Variants in DRC11 observed in about 807,000 individuals in gnomAD.
The protein encoded by DRC11 is IQ and AAA domain-containing protein 1.
the DRC11 span, among the ~76,000 whole-genome samples, chr2:236,356,262 T>G: frequency 6.6e-6 from 1 of 152,238 alleles, no homozygotes; most frequent in Admixed American, 6.5e-5. Flanking sequence ...CGCCCTGCCC[T>G]GGCCTTCCCT....
chr2:236,493,983 C>A, the DRC11 span: 1 of 1,027,112 alleles, frequency 9.7e-7, no homozygotes, highest in South Asian at 2.8e-5. Flanking sequence ...ACATCAAAGA[C>A]GCTTGCTTTA....
the DRC11 span, among the ~76,000 whole-genome samples, chr2:236,493,298 TAC>T: frequency 6.6e-6 from 1 of 152,208 alleles, no homozygotes; most frequent in Non-Finnish European, 1.5e-5. Context: ...TTGTGGGAGC[TAC>T]AGTTCAAGAT....
At chr2:236,402,461 GA>G in the DRC11 span, among the ~76,000 whole-genome samples, 1 of 152,230 alleles carries the variant, frequency 6.6e-6, no homozygotes, top group Non-Finnish European at 1.5e-5. The surrounding 1 kb of genome is among the most constrained non-coding windows in gnomAD (Gnocchi z 6.0). Flanking sequence ...AGGTCACCAG[GA>G]AGCAAGGAAG....
the DRC11 span, among the ~76,000 whole-genome samples, chr2:236,477,603 A>C: frequency 6.6e-6 from 1 of 151,952 alleles, no homozygotes; most frequent in East Asian, 1.9e-4. Flanking sequence ...TAATAGTTTG[A>C]GTAGTATTGG....
chr2:236,441,380 C>CT, the DRC11 span, among the ~76,000 whole-genome samples: 587 of 144,866 alleles, frequency 4.1e-3, 1 homozygote, highest in African/African-American at 0.012. Context: ...TTTTTTCCTC[C>CT]TTTTTTTTTT....
At chr2:236,408,221 T>A in the DRC11 span, 1 of 796,312 alleles carries the variant, frequency 1.3e-6, no homozygotes, top group East Asian at 2.5e-5. The surrounding 1 kb of genome is among the most constrained non-coding windows in gnomAD (Gnocchi z 5.5). Flanking sequence ...ATCTTAGAGA[T>A]CAATCTTCTT....
chr2:236,311,693 GGTGCGTGT>G, the DRC11 span, among the ~76,000 whole-genome samples: 1 of 136,376 alleles, frequency 7.3e-6, no homozygotes, highest in East Asian at 2.1e-4. This position sits in a 1 kb window ranked among gnomAD's most constrained non-coding sequence, Gnocchi z 6.9. Flanking sequence ...AGCTGGATGG[GGTGCGTGT>G]GTGTGTGTGT....
chr2:236,392,418 T>C, the DRC11 span: 1 of 820,446 alleles, frequency 1.2e-6, no homozygotes, highest in East Asian at 2.7e-5. This position sits in a 1 kb window ranked among gnomAD's most constrained non-coding sequence, Gnocchi z 5.1. Flanking sequence ...TAATGAAATT[T>C]TAAAAAGACG....
At chr2:236,400,846 C>T in the DRC11 span, among the ~76,000 whole-genome samples, 2,194 of 152,206 alleles carry the variant, frequency 0.014, 25 homozygotes, top group Middle Eastern at 0.027. This position sits in a 1 kb window ranked among gnomAD's most constrained non-coding sequence, Gnocchi z 7.9. Flanking sequence ...AGAGGTATTT[C>T]TCCTCTCTCT....
chr2:236,317,329 C>T, the DRC11 span, among the ~76,000 whole-genome samples: 3 of 151,506 alleles, frequency 2.0e-5, no homozygotes, highest in African/African-American at 4.9e-5. The surrounding 1 kb of genome is among the most constrained non-coding windows in gnomAD (Gnocchi z 5.4). Context: ...CTCTCATTAA[C>T]AGTAAAATAG....
the DRC11 span, among the ~76,000 whole-genome samples, chr2:236,381,105 G>A: frequency 6.6e-6 from 1 of 152,144 alleles, no homozygotes; most frequent in African/African-American, 2.4e-5. The surrounding 1 kb of genome is among the most constrained non-coding windows in gnomAD (Gnocchi z 5.8). Context: ...GGTCACAAGG[G>A]TTCCACTCTC....
chr2:236,358,283 AT>A, the DRC11 span, among the ~76,000 whole-genome samples: 2 of 130,974 alleles, frequency 1.5e-5, no homozygotes, highest in Non-Finnish European at 3.1e-5. Flanking sequence ...ATAGATATAT[AT>A]ACTATATGAA....
the DRC11 span, among the ~76,000 whole-genome samples, chr2:236,502,700 T>C: frequency 6.6e-6 from 1 of 151,116 alleles, no homozygotes; most frequent in South Asian, 2.1e-4. Flanking sequence ...ACATGAAATC[T>C]AGCTAAAGGA....
At chr2:236,470,944 T>A in the DRC11 span, among the ~76,000 whole-genome samples, 3 of 152,214 alleles carry the variant, frequency 2.0e-5, no homozygotes, top group Non-Finnish European at 4.4e-5. This position sits in a 1 kb window ranked among gnomAD's most constrained non-coding sequence, Gnocchi z 5.1. Context: ...TAGTTGTGCT[T>A]ATAATTAAAT....
chr2:236,491,743 A>G, the DRC11 span, among the ~76,000 whole-genome samples: 3 of 152,146 alleles, frequency 2.0e-5, no homozygotes, highest in East Asian at 3.9e-4. Flanking sequence ...TTGACCCCCA[A>G]GTAAGTTGGC....
At chr2:236,407,597 C>A in the DRC11 span, among the ~76,000 whole-genome samples, 23 of 152,106 alleles carry the variant, frequency 1.5e-4, no homozygotes, top group Non-Finnish European at 2.8e-4. Flanking sequence ...CACACACACA[C>A]GGGCCACATG....
At chr2:236,426,085 C>A in the DRC11 span, among the ~76,000 whole-genome samples, 1 of 151,826 alleles carries the variant, frequency 6.6e-6, no homozygotes, top group African/African-American at 2.4e-5. The surrounding 1 kb of genome is among the most constrained non-coding windows in gnomAD (Gnocchi z 4.1). Context: ...TAGCTTTGTT[C>A]TTTTAGCTCA....
the DRC11 span, among the ~76,000 whole-genome samples, chr2:236,498,006 T>A: frequency 6.6e-6 from 1 of 152,158 alleles, no homozygotes; most frequent in African/African-American, 2.4e-5. Context: ...AACCTGTAGA[T>A]AACATAAATG....
At chr2:236,459,601 ATATATACGTATATAAGTATATACATACG>A in the DRC11 span, among the ~76,000 whole-genome samples, 7 of 121,556 alleles carry the variant, frequency 5.8e-5, no homozygotes, top group African/African-American at 1.8e-4. Flanking sequence ...ATACGTATAC[ATATATACGTATATAAGTATATACATACG>A]TATATACGTA....
Sources: allele counts gnomAD v4.1 joint callset (sites outside exome capture counted in the v4.1 genomes callset), GRCh38; gene constraint gnomAD v4.1.1; non-coding constraint Gnocchi (gnomAD v3.1); transcripts MANE v1.5; gene names NCBI Gene and HGNC (gene_info 2026-07-23, HGNC 2026-07-21).